HSPA12A: variants seen among roughly 807,000 people sequenced by gnomAD.
HSPA12A encodes heat shock 70 kDa protein 12A.
In HSPA12A, 28 loss-of-function variants were observed where a neutral mutation model predicts 69.2. The ratio of observed to expected loss-of-function variants is 0.40; its 90% CI spans 0.30 to 0.55. HSPA12A has a LOEUF of 0.55. Among genes scored for constraint, HSPA12A ranks in the 20% least tolerant of loss-of-function variants. HSPA12A has a pLI of 0.38. For missense variants in HSPA12A, 686 were observed against 900.7 expected (o/e 0.76, Z 3.05); for synonymous variants, 345 against 370.5 (o/e 0.93, Z 0.79).
intron 2 of HSPA12A, among the ~76,000 whole-genome samples, chr10:116,749,112 C>A (rs78372501): frequency 6.6e-6 from 1 of 152,186 alleles, no homozygotes; most frequent in Non-Finnish European, 1.5e-5. Context: ...TTATGCCACC[C>A]CATTTCTCCA....
chr10:116,734,766 G>A (rs1271025832), intron 1 of HSPA12A, among the ~76,000 whole-genome samples: 2 of 151,782 alleles, frequency 1.3e-5, no homozygotes, highest in African/African-American at 4.8e-5. Context: ...GGCCGAGGAG[G>A]GCAGATCACA....
chr10:116,786,343 C>A lies in HSPA12A; in HGVS notation c.91+48592G>T, dbSNP rs528304543. Among the ~76,000 whole-genome samples the A allele has an allele frequency of 1.2e-3, 184 of 152,172 alleles. 1 individual carries two copies. Among genetic ancestry groups the A allele is most frequent in the African/African-American group, 4.1e-3 (170 of 41,540 alleles). On this transcript the variant is annotated intron_variant, in intron 2 of 12. Coordinates refer to the HSPA12A transcript ENST00000635765. ...AGAACAACTCCGCCTTGCCCCTAGCCTGGGCTCAGGACTCTAGGGAGGTCT... is the reference window on the plus strand; with the variant it reads ...AGAACAACTCCGCCTTGCCCCTAGCATGGGCTCAGGACTCTAGGGAGGTCT...
chr10:116,785,385 C>T (rs1388783421), intron 2 of HSPA12A, among the ~76,000 whole-genome samples: 3 of 152,070 alleles, frequency 2.0e-5, no homozygotes, highest in Non-Finnish European at 4.4e-5. Flanking sequence ...CATGGCAGCC[C>T]GGGGACAGAG....
rs1001528604 is a variant in HSPA12A at position 116,674,716 on chromosome 10, T to C, written c.*65A>G. 2.6e-5 allele frequency: 39 copies of C among 1,505,556 alleles called. No individual in the cohort carries two copies. In the African/African-American group the frequency reaches 3.8e-4, roughly 15 times the overall value. 93.3% of individuals were successfully genotyped at this position (1,505,556 alleles called of 1,614,324 possible). The stretch of plus-strand genomic sequence containing the variant: ...AGGGTCAAGGTTAGGGAAAGAACAG[T>C]CAAGGTTGAGGTCAGCAGATGCAGA... On this transcript the variant is annotated 3_prime_UTR_variant, in exon 12 of 12. Transcript: ENST00000369209.
intron 2 of HSPA12A, among the ~76,000 whole-genome samples, chr10:116,757,459 A>G (rs1554888883): frequency 6.6e-6 from 1 of 152,182 alleles, no homozygotes; most frequent in East Asian, 1.9e-4. Context: ...AGGTCACCTG[A>G]CTTCCCTCCA....
At chr10:116,806,966 A>T (rs966366431) in intron 2 of HSPA12A, among the ~76,000 whole-genome samples, 10 of 152,098 alleles carry the variant, frequency 6.6e-5, no homozygotes, top group Non-Finnish European at 1.5e-4. Flanking sequence ...GGAGACACAG[A>T]TAGGAGAGAC....
chr10:116,749,393 T>G (rs1168511024), intron 2 of HSPA12A, among the ~76,000 whole-genome samples: 1 of 152,134 alleles, frequency 6.6e-6, no homozygotes, highest in Non-Finnish European at 1.5e-5. Flanking sequence ...ATGAGAGAAC[T>G]ATATTGTTAA....
At chr10:116,822,936 T>A (rs1334791970) in intron 2 of HSPA12A, among the ~76,000 whole-genome samples, 1 of 152,158 alleles carries the variant, frequency 6.6e-6, no homozygotes, top group Admixed American at 6.5e-5. Flanking sequence ...AAGGAAGGCA[T>A]GGCCTAGCAG....
At chr10:116,741,318 G>T (rs1176198143) in intron 1 of HSPA12A, among the ~76,000 whole-genome samples, 2 of 152,264 alleles carry the variant, frequency 1.3e-5, no homozygotes, top group African/African-American at 2.4e-5. Flanking sequence ...GATGGTGGCT[G>T]TGCTGCCACT....
intron 1 of HSPA12A, among the ~76,000 whole-genome samples, chr10:116,713,607 A>G (rs2133004624): frequency 6.6e-6 from 1 of 152,206 alleles, no homozygotes; most frequent in South Asian, 2.1e-4. Context: ...TGAGTTTCCC[A>G]AGACAGGAAA....
intron 2 of HSPA12A, among the ~76,000 whole-genome samples, chr10:116,806,270 A>T (rs1256499419): frequency 1.3e-5 from 2 of 152,160 alleles, no homozygotes; most frequent in East Asian, 3.9e-4. Context: ...GCACGATCTC[A>T]GCTCACTGCA....
At chr10:116,844,665 T>A (rs1289224803) in intron 1 of HSPA12A, among the ~76,000 whole-genome samples, 1 of 152,210 alleles carries the variant, frequency 6.6e-6, no homozygotes, top group Non-Finnish European at 1.5e-5. Context: ...ATTCCATGAT[T>A]AAAGGGACCT....
At chr10:116,733,467 T>C (rs574781670) in intron 1 of HSPA12A, among the ~76,000 whole-genome samples, 36 of 152,204 alleles carry the variant, frequency 2.4e-4, no homozygotes, top group African/African-American at 7.9e-4. Context: ...TTACAAAACA[T>C]AGGAAGCCCC....
intron 2 of HSPA12A, among the ~76,000 whole-genome samples, chr10:116,760,545 C>A (rs1220107362): frequency 6.6e-6 from 1 of 152,156 alleles, no homozygotes; most frequent in Non-Finnish European, 1.5e-5. Flanking sequence ...ATGAATGTGC[C>A]CTCAAACTCA....
intron 2 of HSPA12A, among the ~76,000 whole-genome samples, chr10:116,749,376 C>T (rs182914434): frequency 5.8e-4 from 88 of 152,256 alleles, no homozygotes; most frequent in African/African-American, 2.0e-3. Context: ...TCTTCATGAC[C>T]GTGTAGATGA....
intron 10 of HSPA12A, among the ~76,000 whole-genome samples, chr10:116,678,200 A>G (rs1212857537): frequency 6.6e-6 from 1 of 152,044 alleles, no homozygotes; most frequent in Non-Finnish European, 1.5e-5. Context: ...ATAATCATCA[A>G]TGGCTGCTAA....
chr10:116,705,077 G>A (rs1251581667), intron 3 of HSPA12A, 74 bp downstream of exon 3: 2 of 1,577,984 alleles, frequency 1.3e-6, no homozygotes, highest in Admixed American at 1.7e-5. Context: ...GCCAATCACT[G>A]GCTCATTGCC....
At chr10:116,846,336 TTTTTTTTGTTTTTTTG>T (rs1297468852) in intron 1 of HSPA12A, among the ~76,000 whole-genome samples, 1 of 151,424 alleles carries the variant, frequency 6.6e-6, no homozygotes, top group Admixed American at 6.6e-5. Context: ...CTTTTCTTTT[TTTTTTTTGTTTTTTTG>T]TTTTTTTGTT....
At chr10:116,730,884 C>T (rs1452942269) in intron 1 of HSPA12A, among the ~76,000 whole-genome samples, 1 of 152,274 alleles carries the variant, frequency 6.6e-6, no homozygotes, top group Non-Finnish European at 1.5e-5. Context: ...TATGAAGGAA[C>T]CGGGCCCTCC....
Sources: allele counts gnomAD v4.1 joint callset (sites outside exome capture counted in the v4.1 genomes callset), GRCh38; gene constraint gnomAD v4.1.1; transcripts MANE v1.5; gene names NCBI Gene and HGNC (gene_info 2026-07-23, HGNC 2026-07-21).